The following TBC1D9 variants were observed in gnomAD, a reference collection of about 807,000 sequenced individuals.
TBC1D9 encodes TBC1 domain family member 9.
In TBC1D9, 63 loss-of-function variants were observed where a neutral mutation model predicts 132.0. That is an observed-to-expected ratio of 0.48 (90% CI 0.39 to 0.59). The LOEUF is 0.59. TBC1D9 is among the 20% of genes least tolerant of loss of function. TBC1D9 has a pLI of 0.00. For missense variants in TBC1D9, 1,261 were observed against 1,592.7 expected (o/e 0.79, Z 3.54); for synonymous variants, 610 against 609.9 (o/e 1.00, Z 0.00).
rs1738155222 is a variant in TBC1D9, at chr4:140,706,613, C to T, written c.131-4999G>A. Among the ~76,000 whole-genome samples, 1 of 152,128 alleles carries T rather than the reference C, an allele frequency of 6.6e-6. No homozygotes were observed. The highest frequency in any genetic ancestry group is 2.1e-4 in the South Asian group (1 of 4,808). On this transcript the variant is annotated intron_variant, in intron 1 of 20. Coordinates refer to ENST00000442267, the MANE Select transcript of TBC1D9 (RefSeq NM_015130.3). The surrounding 1 kb of genome is among the most constrained non-coding windows in gnomAD (Gnocchi z 4.0). The stretch of plus-strand genomic sequence containing the variant: ...CCACAGTGAGGTTCCCTTTGCACTC[C>T]TTTAATCCCATTTCCCTCTCTCCAT...
intron 3 of TBC1D9, among the ~76,000 whole-genome samples, chr4:140,682,579 A>G (rs1431233235): frequency 6.6e-6 from 1 of 152,202 alleles, no homozygotes; most frequent in East Asian, 1.9e-4. Context: ...TTAGAGAAGG[A>G]TCAAAAAATA....
chr4:140,623,045 G>A (rs1736646684), intron 20 of TBC1D9, 128 bp from the exon 21 acceptor site: 1 of 1,149,332 alleles, frequency 8.7e-7, no homozygotes, highest in East Asian at 2.8e-5. Flanking sequence ...GCCTAGGCTG[G>A]ATGGACATGT....
chr4:140,749,923 T>C (rs1738895410), intron 1 of TBC1D9, among the ~76,000 whole-genome samples: 1 of 152,116 alleles, frequency 6.6e-6, no homozygotes, highest in Non-Finnish European at 1.5e-5. Flanking sequence ...TAATGCTATA[T>C]TATTAGGATT....
At chr4:140,624,093 T>C (rs1345438661) in intron 20 of TBC1D9, 23 bp downstream of exon 20, 2 of 1,562,968 alleles carry the variant, frequency 1.3e-6, no homozygotes, top group Admixed American at 3.7e-5. Context: ...TTGAAGCGAA[T>C]GATTTGAACT....
intron 1 of TBC1D9, among the ~76,000 whole-genome samples, chr4:140,713,829 T>C (rs903614431): frequency 1.3e-5 from 2 of 152,164 alleles, no homozygotes; most frequent in African/African-American, 2.4e-5. Flanking sequence ...CTTTTATAAT[T>C]TGTACAATGT....
chr4:140,637,915 T>A (rs1736906526), intron 15 of TBC1D9, among the ~76,000 whole-genome samples: 2 of 152,206 alleles, frequency 1.3e-5, no homozygotes, highest in African/African-American at 4.8e-5. Context: ...AACTAATCAC[T>A]AATTTATCTA....
intron 1 of TBC1D9, among the ~76,000 whole-genome samples, chr4:140,711,504 T>A (rs1343716123): frequency 6.6e-6 from 1 of 152,162 alleles, no homozygotes; most frequent in Non-Finnish European, 1.5e-5. Context: ...TCCTGAGATG[T>A]CAACCCTTCT....
At position 140,634,221 on chromosome 4, in the gene TBC1D9, C is replaced by A. The variant is rs1016501587; in HGVS notation, c.2506-33G>T. 4 of 1,599,480 alleles carry A rather than the reference C, an allele frequency of 2.5e-6. No homozygotes were observed. The African/African-American group carries it at 5.4e-5, about 21-fold the overall frequency. On this transcript the variant is annotated intron_variant, in intron 15 of 20. Transcript: ENST00000442267. Reference sequence around the variant, plus strand: ...AGAATGGATGATCACTGGGGACCCTCTTTTGCAGCAAATACCAGAAAGAAA... The same window carrying A: ...AGAATGGATGATCACTGGGGACCCTATTTTGCAGCAAATACCAGAAAGAAA...
At chr4:140,677,994 A>G (rs1043079795) in intron 5 of TBC1D9, among the ~76,000 whole-genome samples, 2 of 150,284 alleles carry the variant, frequency 1.3e-5, no homozygotes, top group Admixed American at 6.7e-5. Context: ...TTCATTTGAT[A>G]CTATGTTCAA....
At chr4:140,716,933 A>C (rs1417353431) in intron 1 of TBC1D9, among the ~76,000 whole-genome samples, 3 of 151,634 alleles carry the variant, frequency 2.0e-5, no homozygotes, top group African/African-American at 2.4e-5. Flanking sequence ...AAAAAAAAAA[A>C]AACACAAACA....
intron 15 of TBC1D9, among the ~76,000 whole-genome samples, chr4:140,637,336 CG>C (rs1560868170): frequency 1.3e-5 from 2 of 150,620 alleles, no homozygotes; most frequent in African/African-American, 4.9e-5. Context: ...GGTGACAGAA[CG>C]AGACTCCGTC....
rs372169353 is a variant in TBC1D9, at chr4:140,622,200, C to T, written c.3796G>A (p.Gly1266Ser). 3.2e-6 allele frequency: 5 copies of T among 1,575,180 alleles called. No individual in the cohort carries two copies. The highest frequency in any genetic ancestry group is 2.3e-5 in the East Asian group (1 of 43,948). The stretch of plus-strand genomic sequence containing the variant: ...CCCCCGGGAAGGCGCCCGTGTCAGC[C>T]GGACATGGCCGAGATTTCATAGTCA... ...ASDYEISAMS[G>S] The change falls in exon 21 of 21, where the codon GGC (glycine) becomes AGC (serine). Residue 1266 changes from glycine to serine, a missense_variant. Around this residue, in one of 3 missense-constraint regions of TBC1D9, gnomAD observed 618 missense variants for 724.4 expected, o/e 0.85. Transcript: ENST00000442267.
chr4:140,627,651 G>C (rs753506915), intron 17 of TBC1D9, 124 bp from the exon 18 acceptor site: 18 of 649,614 alleles, frequency 2.8e-5, no homozygotes, highest in Non-Finnish European at 4.1e-5. Context: ...GGTGGGATGG[G>C]GCCTTGAGTG....
At chr4:140,682,225 A>G (rs1023178923) in intron 3 of TBC1D9, among the ~76,000 whole-genome samples, 1 of 152,200 alleles carries the variant, frequency 6.6e-6, no homozygotes, top group Non-Finnish European at 1.5e-5. Flanking sequence ...ACTGGAGGGC[A>G]TTATGGATAG....
rs960727496 is a variant in TBC1D9, at chr4:140,621,208, T to C, written c.*987A>G. ...AGATTTTTTTTCAGTTTACATTATC[T>C]CTACATTGATTTGATGGAAAGATGG... is the stretch of plus-strand genomic sequence containing the variant. On this transcript the variant is annotated 3_prime_UTR_variant, in exon 21 of 21. Transcript: ENST00000442267. 6 of 152,618 alleles carry C rather than the reference T, an allele frequency of 3.9e-5. No homozygotes were observed. The highest frequency in any genetic ancestry group is 5.9e-5 in the Non-Finnish European group (4 of 68,026). The allele number at this position is 152,618 out of a possible 1,614,324, so 9.5% of individuals were successfully genotyped here.
At chr4:140,709,107 A>G (rs1738190234) in intron 1 of TBC1D9, among the ~76,000 whole-genome samples, 1 of 151,406 alleles carries the variant, frequency 6.6e-6, no homozygotes, top group Admixed American at 6.6e-5. Flanking sequence ...GCCATCCACA[A>G]CTCTTTCCTC....
At chr4:140,670,481 T>C (rs1259038965) in intron 7 of TBC1D9, 3 of 503,934 alleles carry the variant, frequency 6.0e-6, no homozygotes, top group Non-Finnish European at 7.1e-6. Flanking sequence ...CTAGAACAGA[T>C]TACTTAAGAA....
chr4:140,679,759 G>A lies in TBC1D9; in HGVS notation c.445C>T (p.His149Tyr). Residue 149 changes from histidine to tyrosine, a missense_variant, in exon 4 of 21, where the codon CAT becomes TAT. His to Tyr is a moderately conservative substitution (Grantham distance 83). Around this residue, in one of 3 missense-constraint regions of TBC1D9, gnomAD observed 550 missense variants for 699.0 expected, o/e 0.79. Coordinates refer to ENST00000442267, the MANE Select transcript of TBC1D9 (RefSeq NM_015130.3). ...EKFKEAIVKFHRLFGMPEEEK... is the reference protein window; with the variant it reads ...EKFKEAIVKFYRLFGMPEEEK... ...TCCTCTGGCATCCCAAACAGCCTAT[G>A]AAATTTCACAATGGCTTCTTTAAAC... 1 of 1,613,800 alleles carries A rather than the reference G, an allele frequency of 6.2e-7. No individual in the cohort carries two copies. Among genetic ancestry groups the A allele is most frequent in the Non-Finnish European group, 8.5e-7 (1 of 1,179,826 alleles).
intron 2 of TBC1D9, among the ~76,000 whole-genome samples, chr4:140,689,226 T>G (rs1225149430): frequency 6.6e-6 from 1 of 152,142 alleles, no homozygotes; most frequent in Non-Finnish European, 1.5e-5. Context: ...TCTTGACTGG[T>G]ATCTCACCAT....
Sources: gnomAD v4.1 joint callset for allele counts (sites outside exome capture counted in the v4.1 genomes callset) on GRCh38, gnomAD v4.1.1 for gene constraint, gnomAD v4.1.1 regional missense constraint, Gnocchi (gnomAD v3.1) non-coding constraint, MANE v1.5 for transcripts, NCBI Gene and HGNC (gene_info 2026-07-23, HGNC 2026-07-21) for gene names.